The following GRIK4 variants were observed in gnomAD, a reference collection of about 807,000 sequenced individuals.
The protein encoded by GRIK4 is glutamate receptor ionotropic, kainate 4.
Under a neutral mutation model 104.9 loss-of-function variants are expected in GRIK4, and 40 were observed. That is an observed-to-expected ratio of 0.38 (90% CI 0.30 to 0.50). The LOEUF is 0.50. GRIK4 is among the 20% of genes least tolerant of loss of function. The pLI is 0.93. For missense variants in GRIK4, 1,047 were observed against 1,308.1 expected, an observed-to-expected ratio of 0.80 and a Z score of 3.08; for synonymous variants, 485 against 524.9, an observed-to-expected ratio of 0.92 and a Z score of 1.04.
At chr11:120,942,305 G>A (rs1467278886) in intron 14 of GRIK4, among the ~76,000 whole-genome samples, 1 of 152,134 alleles carries the variant, frequency 6.6e-6, no homozygotes, top group Non-Finnish European at 1.5e-5. Context: ...TACATCTGTT[G>A]GTACTCACTA....
chr11:120,583,105 G>A (rs1948610640), intron 1 of GRIK4, among the ~76,000 whole-genome samples: 2 of 152,176 alleles, frequency 1.3e-5, no homozygotes, highest in Non-Finnish European at 2.9e-5. Flanking sequence ...CTAATGATTC[G>A]TGATGTTGAG....
intron 18 of GRIK4, among the ~76,000 whole-genome samples, chr11:120,964,779 A>T (rs1944354538): frequency 6.6e-6 from 1 of 152,206 alleles, no homozygotes; most frequent in Non-Finnish European, 1.5e-5. Flanking sequence ...CCCCTGCAAG[A>T]TAGATGTGGT....
intron 3 of GRIK4, among the ~76,000 whole-genome samples, chr11:120,662,053 G>A (rs1191521936): frequency 6.6e-6 from 1 of 152,186 alleles, no homozygotes; most frequent in African/African-American, 2.4e-5. Context: ...ATTTCCATTT[G>A]TCGCTAATGG....
chr11:120,844,770 T>C (rs964138957), intron 8 of GRIK4, among the ~76,000 whole-genome samples: 8 of 152,180 alleles, frequency 5.3e-5, no homozygotes, highest in Non-Finnish European at 7.3e-5. Flanking sequence ...AAGTCAACGT[T>C]GTGCAGGACC....
intron 1 of GRIK4, among the ~76,000 whole-genome samples, chr11:120,607,460 C>A (rs1213217728): frequency 2.0e-5 from 3 of 152,106 alleles, no homozygotes; most frequent in African/African-American, 7.2e-5. Flanking sequence ...CTGTGGGCAT[C>A]TGCACGGTGG....
intron 1 of GRIK4, among the ~76,000 whole-genome samples, chr11:120,598,109 C>T (rs1183818083): frequency 2.0e-5 from 3 of 152,174 alleles, no homozygotes; most frequent in Non-Finnish European, 2.9e-5. Context: ...CTGGTCTGGG[C>T]CCCTTCTGTT....
At chr11:120,843,823 G>A (rs1458897334) in intron 8 of GRIK4, among the ~76,000 whole-genome samples, 1 of 152,090 alleles carries the variant, frequency 6.6e-6, no homozygotes, top group Non-Finnish European at 1.5e-5. Flanking sequence ...CTTGGAATTG[G>A]GGATGTTCCC....
At chr11:120,624,724 C>G (rs1209195514) in intron 1 of GRIK4, among the ~76,000 whole-genome samples, 1 of 152,148 alleles carries the variant, frequency 6.6e-6, no homozygotes. Flanking sequence ...CCTCCATTAG[C>G]GTAGATCCTC....
intron 6 of GRIK4, among the ~76,000 whole-genome samples, chr11:120,829,433 C>G (rs1953364382): frequency 6.6e-6 from 1 of 152,134 alleles, no homozygotes; most frequent in African/African-American, 2.4e-5. Flanking sequence ...ATTTGAACTT[C>G]ATCAGCAACT....
chr11:120,764,940 T>A lies in GRIK4; in HGVS notation c.83-37753T>A, dbSNP rs1052496169. Among the ~76,000 whole-genome samples the A allele has an allele frequency of 3.3e-5, 5 of 152,238 alleles. No individual in the cohort carries two copies. The East Asian group carries it at 9.7e-4, about 29-fold the overall frequency. On this transcript the variant is annotated intron_variant, in intron 3 of 20. Transcript: ENST00000527524. ...AATCTGACGATTATGTGTCTTGGGG[T>A]TGCTCTTCTCTAGGAGTATCTTTGT...
chr11:120,985,905 T>A lies in GRIK4; in HGVS notation c.2516T>A (p.Val839Glu). The stretch of plus-strand genomic sequence containing the variant: ...CCCTGACCTCGCTGTCTCCTCCAGG[T>A]GTCCGTCTGCCAGGAGATGGTGACC... ...WTLRHSEATE[V>E]SVCQEMVTEL... Residue 839 changes from valine to glutamate, a missense_variant and splice_region_variant, in exon 21 of 21, where the codon GTG (valine) becomes GAG (glutamate). Physicochemically the swap from Val to Glu is moderately radical, Grantham distance 121 (BLOSUM62 -2). Around this residue, in one of 3 missense-constraint regions of GRIK4, gnomAD observed 440 missense variants for 652.3 expected, o/e 0.67. Coordinates refer to ENST00000527524, the MANE Select transcript of GRIK4 (RefSeq NM_014619.5). 2 of 1,551,756 alleles carry A rather than the reference T, an allele frequency of 1.3e-6. No individual in the cohort carries two copies. The highest frequency in any genetic ancestry group is 1.7e-6 in the Non-Finnish European group (2 of 1,147,684).
intron 20 of GRIK4, 137 bp downstream of exon 20, chr11:120,982,361 T>C (rs953654783): frequency 1.5e-6 from 1 of 660,226 alleles, no homozygotes; most frequent in African/African-American, 1.8e-5. Context: ...GCAGAGGGGA[T>C]TTGGATCAAT....
intron 3 of GRIK4, among the ~76,000 whole-genome samples, chr11:120,684,812 G>A (rs1304887593): frequency 1.3e-5 from 2 of 152,068 alleles, no homozygotes; most frequent in Admixed American, 6.5e-5. Flanking sequence ...CCGGCTTCAC[G>A]CCATTATCCT....
chr11:120,927,402 A>G (rs1943372170), intron 13 of GRIK4, among the ~76,000 whole-genome samples: 1 of 151,926 alleles, frequency 6.6e-6, no homozygotes, highest in African/African-American at 2.4e-5. Flanking sequence ...CCCCATCTCT[A>G]CTAAAAATAC....
intron 3 of GRIK4, among the ~76,000 whole-genome samples, chr11:120,769,630 G>A (rs1951903611): frequency 6.6e-6 from 1 of 152,154 alleles, no homozygotes; most frequent in Non-Finnish European, 1.5e-5. Context: ...CAGGTGGCAG[G>A]CTAGATTTAG....
At chr11:120,671,838 T>A (rs554923957) in intron 3 of GRIK4, among the ~76,000 whole-genome samples, 1 of 152,272 alleles carries the variant, frequency 6.6e-6, no homozygotes, top group African/African-American at 2.4e-5. Flanking sequence ...TAGGTTTTCT[T>A]CTTATGGCTA....
chr11:120,668,148 T>TA (rs1555037529), intron 3 of GRIK4, among the ~76,000 whole-genome samples: 1 of 151,390 alleles, frequency 6.6e-6, no homozygotes, highest in Non-Finnish European at 1.5e-5. Flanking sequence ...GATAGATAGA[T>TA]AAGTAGGTAG....
At chr11:120,559,944 T>C (rs150048010) in intron 1 of GRIK4, among the ~76,000 whole-genome samples, 8 of 152,110 alleles carry the variant, frequency 5.3e-5, no homozygotes, top group Non-Finnish European at 1.0e-4. Context: ...TGTTTTGAGG[T>C]CTTCTGGTTT....
intron 1 of GRIK4, among the ~76,000 whole-genome samples, chr11:120,594,424 CTG>C (rs1948774270): frequency 6.6e-6 from 1 of 152,202 alleles, no homozygotes; most frequent in African/African-American, 2.4e-5. Flanking sequence ...CTGCAGTGAG[CTG>C]TGTTTGCACC....
Sources: allele counts gnomAD v4.1 joint callset (sites outside exome capture counted in the v4.1 genomes callset), GRCh38; gene constraint gnomAD v4.1.1; regional missense constraint gnomAD v4.1.1; transcripts MANE v1.5; gene names NCBI Gene and HGNC (gene_info 2026-07-23, HGNC 2026-07-21).